The following PDE4D variants were observed in gnomAD, a reference collection of about 807,000 sequenced individuals.
PDE4D encodes 3',5'-cyclic-AMP phosphodiesterase 4D.
In PDE4D, 24 loss-of-function variants were observed where a neutral mutation model predicts 87.4. The ratio of observed to expected loss-of-function variants is 0.27; its 90% CI spans 0.20 to 0.39. The LOEUF (loss-of-function observed/expected upper bound fraction) is 0.39. Ranked by LOEUF, PDE4D falls within the 10% of genes least tolerant of loss-of-function variation. PDE4D has a pLI of 1.00. For synonymous variants in PDE4D, 384 were observed against 383.2 expected (o/e 1.00, Z -0.02); for missense variants, 714 against 1,041.0 (o/e 0.69, Z 4.32).
At chr5:59,074,446 G>A (rs1765355024) in intron 5 of PDE4D, among the ~76,000 whole-genome samples, 1 of 152,054 alleles carries the variant, frequency 6.6e-6, no homozygotes, top group Admixed American at 6.6e-5. Flanking sequence ...ATAGAAGGTT[G>A]AAACTGAAAA....
intron 5 of PDE4D, among the ~76,000 whole-genome samples, chr5:59,062,847 C>T (rs1028241467): frequency 6.6e-6 from 1 of 151,850 alleles, no homozygotes; most frequent in Admixed American, 6.6e-5. Context: ...CCTGCCACCC[C>T]CACCCCCTAT....
Position 59,038,977 on chromosome 5 carries a change from A to G in PDE4D, c.809-6T>C. ...CAGTTTCTGGTAGGCCTCCTCTGCG[A>G]AGAGACAGGGAAAGGGGGACTCAGT... is the stretch of plus-strand genomic sequence containing the variant. On this transcript the variant is annotated splice_polypyrimidine_tract_variant and splice_region_variant and intron_variant, in intron 5 of 14. Coordinates refer to ENST00000340635, the MANE Select transcript of PDE4D (RefSeq NM_001104631.2). 6.4e-7 allele frequency: 1 copy of G among 1,572,370 alleles called. No homozygotes were observed. Among genetic ancestry groups the G allele is most frequent in the Non-Finnish European group, 8.6e-7 (1 of 1,157,852 alleles).
At chr5:60,477,444 C>T (rs928576865) in intron 1 of PDE4D, among the ~76,000 whole-genome samples, 13 of 151,802 alleles carry the variant, frequency 8.6e-5, no homozygotes, top group Non-Finnish European at 1.3e-4. Flanking sequence ...TGAAAAGTAA[C>T]CAGGTAAGTT....
At chr5:59,688,944 C>T (rs1750405110) in intron 1 of PDE4D, among the ~76,000 whole-genome samples, 1 of 152,202 alleles carries the variant, frequency 6.6e-6, no homozygotes, top group Non-Finnish European at 1.5e-5. Flanking sequence ...ATAAACACCT[C>T]TATGCAAATA....
chr5:59,962,490 C>T (rs1759578800), intron 3 of PDE4D, among the ~76,000 whole-genome samples: 1 of 151,730 alleles, frequency 6.6e-6, no homozygotes, highest in South Asian at 2.1e-4. Flanking sequence ...CACACCACAT[C>T]GAATGCCCTG....
At chr5:59,593,302 G>A (rs1261430164) in intron 1 of PDE4D, among the ~76,000 whole-genome samples, 8 of 147,078 alleles carry the variant, frequency 5.4e-5, no homozygotes, top group East Asian at 2.0e-4. Context: ...ATGGTGGTTC[G>A]CACCTGTAAT....
chr5:59,075,886 T>G (rs1278040035), intron 5 of PDE4D, among the ~76,000 whole-genome samples: 1 of 152,194 alleles, frequency 6.6e-6, no homozygotes, highest in Non-Finnish European at 1.5e-5. Flanking sequence ...CTATGCAATT[T>G]AACCTAACAT....
intron 1 of PDE4D, among the ~76,000 whole-genome samples, chr5:59,772,656 T>C (rs1421462353): frequency 1.3e-5 from 2 of 152,360 alleles, no homozygotes; most frequent in South Asian, 4.1e-4. Flanking sequence ...AGAGCAATGA[T>C]GTGGCTAATT....
rs193175804 is a variant in PDE4D at position 59,792,996 on chromosome 5, T to C, written c.455+100172A>G. On this transcript the variant is annotated intron_variant, in intron 1 of 14. Coordinates refer to ENST00000340635, the MANE Select transcript of PDE4D (RefSeq NM_001104631.2). ...AGTGGGGAAGTCAGGAGGATGCTGA[T>C]ATGCAGGGAAGAAGAGTCAGCTTAC... Among the ~76,000 whole-genome samples the C allele has an allele frequency of 1.6e-3, 238 of 152,294 alleles. 1 individual carries two copies. The highest frequency in any genetic ancestry group is 5.6e-3 in the African/African-American group (231 of 41,558).
At chr5:59,881,395 C>T (rs1330828359) in intron 1 of PDE4D, among the ~76,000 whole-genome samples, 1 of 152,104 alleles carries the variant, frequency 6.6e-6, no homozygotes, top group Non-Finnish European at 1.5e-5. Flanking sequence ...TATAACTCTC[C>T]TGCAACATCA....
At chr5:60,148,331 G>A (rs558878841) in intron 2 of PDE4D, among the ~76,000 whole-genome samples, 21 of 151,924 alleles carry the variant, frequency 1.4e-4, no homozygotes, top group African/African-American at 5.1e-4. Flanking sequence ...TTCCACAAAA[G>A]TAACAATACA....
intron 1 of PDE4D, among the ~76,000 whole-genome samples, chr5:60,185,947 AAAAC>A (rs1282712880): frequency 6.6e-6 from 1 of 151,898 alleles, no homozygotes; most frequent in Non-Finnish European, 1.5e-5. Context: ...AAAAAAAAAA[AAAAC>A]AGATATGATA....
chr5:60,271,013 G>A (rs1167765946), intron 1 of PDE4D, among the ~76,000 whole-genome samples: 1 of 152,124 alleles, frequency 6.6e-6, no homozygotes, highest in East Asian at 1.9e-4. Context: ...TAGCAGAGAG[G>A]AAGTTGATGT....
chr5:60,039,068 C>A (rs1768151125), intron 2 of PDE4D, among the ~76,000 whole-genome samples: 1 of 151,204 alleles, frequency 6.6e-6, no homozygotes, highest in Non-Finnish European at 1.5e-5. Flanking sequence ...ACCATTTGAC[C>A]CAGCCATGCC....
intron 1 of PDE4D, among the ~76,000 whole-genome samples, chr5:59,264,487 A>G (rs1389919122): frequency 6.6e-6 from 1 of 151,970 alleles, no homozygotes; most frequent in Non-Finnish European, 1.5e-5. Flanking sequence ...GCTAACATCA[A>G]ATTTGCTTTT....
intron 1 of PDE4D, among the ~76,000 whole-genome samples, chr5:59,452,475 G>A (rs1799313328): frequency 6.6e-6 from 1 of 152,144 alleles, no homozygotes; most frequent in South Asian, 2.1e-4. Context: ...TACCGCCCCT[G>A]GACTAGAGCT....
intron 1 of PDE4D, among the ~76,000 whole-genome samples, chr5:59,712,790 A>G (rs189596892): frequency 7.9e-5 from 12 of 152,160 alleles, no homozygotes; most frequent in Non-Finnish European, 1.6e-4. Flanking sequence ...TTTATGTTTC[A>G]GGCATAATAA....
chr5:59,086,753 T>A (rs1421004111), intron 5 of PDE4D, among the ~76,000 whole-genome samples: 11 of 152,198 alleles, frequency 7.2e-5, no homozygotes, highest in Admixed American at 7.2e-4. Context: ...GAAACCCATG[T>A]ACAATTCTTG....
rs1233509804 is a variant in PDE4D, at chr5:58,970,214, T to A, written c.*4450A>T. ...AATCATTTGTAATTCTCACACACAATTTACCACTCTGAAAATATATCCAAA... is the reference window on the plus strand; with the variant it reads ...AATCATTTGTAATTCTCACACACAAATTACCACTCTGAAAATATATCCAAA... On this transcript the variant is annotated 3_prime_UTR_variant, in exon 15 of 15. Transcript: ENST00000340635. The A allele has an allele frequency of 6.6e-6, 1 of 152,092 alleles. No individual in the cohort carries two copies. Among genetic ancestry groups the A allele is most frequent in the Non-Finnish European group, 1.5e-5 (1 of 68,006 alleles). The allele number at this position is 152,092 out of a possible 1,614,324, so 9.4% of individuals were successfully genotyped here.
Sources: allele counts gnomAD v4.1 joint callset (sites outside exome capture counted in the v4.1 genomes callset), GRCh38; gene constraint gnomAD v4.1.1; transcripts MANE v1.5; gene names NCBI Gene and HGNC (gene_info 2026-07-23, HGNC 2026-07-21).